MOB3B: variants seen among roughly 807,000 people sequenced by gnomAD.
The protein encoded by MOB3B is MOB kinase activator-like 2B.
Under a neutral mutation model 18.7 loss-of-function variants are expected in MOB3B, and 7 were observed. That is an observed-to-expected ratio of 0.37 (90% CI 0.21 to 0.70). The LOEUF (loss-of-function observed/expected upper bound fraction) is 0.70, where lower values mean the gene tolerates loss of function less well. Among genes scored for constraint, MOB3B ranks in the 30% least tolerant of loss-of-function variants. The pLI, the probability that MOB3B is intolerant of heterozygous loss-of-function variation, is 0.52. For synonymous variants in MOB3B, 111 were observed against 99.9 expected, an observed-to-expected ratio of 1.11 and a Z score of -0.66; for missense variants, 253 against 281.3, an observed-to-expected ratio of 0.90 and a Z score of 0.72.
chr9:27,341,962 TAC>T, intron 3 of MOB3B, among the ~76,000 whole-genome samples: 1 of 152,378 alleles, frequency 6.6e-6, no homozygotes, highest in Non-Finnish European at 1.5e-5. Flanking sequence ...GAGTGGTTTT[TAC>T]ATTTTTTGAT....
intron 1 of MOB3B, among the ~76,000 whole-genome samples, chr9:27,505,569 G>T (rs1587264876): frequency 1.3e-5 from 2 of 152,204 alleles, no homozygotes; most frequent in Non-Finnish European, 1.5e-5. Flanking sequence ...AATAAATTTA[G>T]GAAGAAGTTG....
intron 1 of MOB3B, among the ~76,000 whole-genome samples, chr9:27,496,661 A>T (rs1385258873): frequency 6.6e-6 from 1 of 152,204 alleles, no homozygotes; most frequent in Non-Finnish European, 1.5e-5. Flanking sequence ...GTGTTTTAAA[A>T]TTTAGCTCTG....
chr9:27,503,455 C>A (rs1465856269), intron 1 of MOB3B, among the ~76,000 whole-genome samples: 10 of 152,256 alleles, frequency 6.6e-5, no homozygotes, highest in Non-Finnish European at 1.5e-4. Flanking sequence ...CCAGCCCCAA[C>A]TGGCTGCTGT....
At chr9:27,507,633 T>C (rs1366139142) in intron 1 of MOB3B, among the ~76,000 whole-genome samples, 5 of 152,230 alleles carry the variant, frequency 3.3e-5, no homozygotes, top group Admixed American at 6.5e-5. Context: ...CCCTTGATGC[T>C]TGTTTTAACA....
intron 2 of MOB3B, among the ~76,000 whole-genome samples, chr9:27,432,271 C>G (rs1368775092): frequency 7.0e-6 from 1 of 142,470 alleles, no homozygotes; most frequent in East Asian, 1.9e-4. Context: ...TTTTTTTTTT[C>G]TCTATGTGCT....
At chr9:27,519,870 T>C (rs1452616738) in intron 1 of MOB3B, among the ~76,000 whole-genome samples, 2 of 151,720 alleles carry the variant, frequency 1.3e-5, no homozygotes, top group Non-Finnish European at 2.9e-5. Flanking sequence ...TGAGAATGAG[T>C]GAAACATCTA....
At chr9:27,403,844 T>C (rs1821924151) in intron 2 of MOB3B, among the ~76,000 whole-genome samples, 1 of 152,210 alleles carries the variant, frequency 6.6e-6, no homozygotes, top group African/African-American at 2.4e-5. Context: ...GCACATGTGA[T>C]ATTCTGATAC....
intron 1 of MOB3B, among the ~76,000 whole-genome samples, chr9:27,513,926 T>TGGATG (rs200817555): frequency 0.25 from 6,065 of 24,268 alleles, 383 homozygotes; most frequent in East Asian, 0.49. Flanking sequence ...GATGGATGGA[T>TGGATG]GGTGGGTGGG....
intron 1 of MOB3B, among the ~76,000 whole-genome samples, chr9:27,458,167 G>GGTAC (rs1819217015): frequency 6.6e-6 from 1 of 152,072 alleles, no homozygotes; most frequent in Non-Finnish European, 1.5e-5. Context: ...TGATAATGAG[G>GGTAC]GTACCATCAA....
intron 3 of MOB3B, among the ~76,000 whole-genome samples, chr9:27,339,649 A>G (rs926970705): frequency 7.2e-5 from 11 of 152,240 alleles, no homozygotes; most frequent in African/African-American, 2.4e-4. Context: ...GAGGTTAAGT[A>G]CCTCGGCCAT....
At chr9:27,427,087 G>C (rs191936180) in intron 2 of MOB3B, among the ~76,000 whole-genome samples, 60 of 152,298 alleles carry the variant, frequency 3.9e-4, no homozygotes, top group Middle Eastern at 3.4e-3. Context: ...CAGAATTCCA[G>C]GGCAGGGAGT....
intron 2 of MOB3B, among the ~76,000 whole-genome samples, chr9:27,413,248 G>A (rs1434014830): frequency 6.6e-6 from 1 of 152,138 alleles, no homozygotes; most frequent in African/African-American, 2.4e-5. Context: ...GGGGGCAAAG[G>A]GACAGGGAGG....
chr9:27,358,944 T>C (rs771203182), intron 3 of MOB3B, 90 bp downstream of exon 3: 73 of 1,318,968 alleles, frequency 5.5e-5, no homozygotes, highest in Non-Finnish European at 8.0e-5. Context: ...TAGCCATCAA[T>C]GAGCATTTTC....
chr9:27,419,643 C>T (rs566104787), intron 2 of MOB3B, among the ~76,000 whole-genome samples: 1 of 152,234 alleles, frequency 6.6e-6, no homozygotes, highest in African/African-American at 2.4e-5. Flanking sequence ...TCGCCTTATA[C>T]AAAAATCAAC....
intron 2 of MOB3B, chr9:27,394,272 A>G (rs757302308): frequency 4.6e-5 from 7 of 152,264 alleles, no homozygotes; most frequent in Non-Finnish European, 7.4e-5. Flanking sequence ...GTGAGTGGTT[A>G]TTTTGGAAGT....
chr9:27,373,527 A>G (rs1186154662), intron 2 of MOB3B, among the ~76,000 whole-genome samples: 1 of 152,136 alleles, frequency 6.6e-6, no homozygotes, highest in Non-Finnish European at 1.5e-5. Context: ...AGGTACAGAC[A>G]CCCACAAGGC....
rs891100061 is a variant in MOB3B at position 27,529,610 on chromosome 9, G to A, written c.-254C>T. The A allele has an allele frequency of 5.7e-5, 56 of 985,660 alleles. No homozygotes were observed. Among genetic ancestry groups the A allele is most frequent in the Non-Finnish European group, 6.6e-5 (55 of 830,222 alleles). 61.1% of individuals were successfully genotyped at this position (985,660 alleles called of 1,614,324 possible). A position where few individuals can be genotyped will look rare whatever the true frequency, so the allele number is the denominator to read the frequency against. ...GTCGGCTCCCTTCGCCGGGTCAGCT[G>A]CAGCCAGCGCGAAAGAAAATGGTGA... On this transcript the variant is annotated 5_prime_UTR_variant, in exon 1 of 4. Transcript: ENST00000262244.
At chr9:27,467,196 A>T (rs1194666935) in intron 1 of MOB3B, among the ~76,000 whole-genome samples, 1 of 152,198 alleles carries the variant, frequency 6.6e-6, no homozygotes, top group Non-Finnish European at 1.5e-5. Context: ...AAAGACTGAA[A>T]AGAGGTCTAC....
In MOB3B at chr9:27,378,511, C is replaced by G. The variant is rs758775812; in HGVS notation, c.419-19275G>C. The G allele has an allele frequency of 1.1e-4, 54 of 471,084 alleles. 1 individual carries two copies. Among genetic ancestry groups the G allele is most frequent in the African/African-American group, 9.2e-4 (46 of 50,154 alleles). The allele number at this position is 471,084 out of a possible 1,614,324, so 29.2% of individuals were successfully genotyped here. On this transcript the variant is annotated intron_variant, in intron 2 of 3. Coordinates refer to ENST00000262244, the MANE Select transcript of MOB3B (RefSeq NM_024761.5). ...AAGGGCAAAAGCCAGGGTTTAGTCC[C>G]AGAACTATTGGAACCAGGGGGCAGC...
Sources: allele counts gnomAD v4.1 joint callset (sites outside exome capture counted in the v4.1 genomes callset), GRCh38; gene constraint gnomAD v4.1.1; transcripts MANE v1.5; gene names NCBI Gene and HGNC (gene_info 2026-07-23, HGNC 2026-07-21).